Variants in CLIC5 observed in about 807,000 individuals in gnomAD.
The protein encoded by CLIC5 is chloride intracellular channel protein 5.
In CLIC5, 20 loss-of-function variants were observed where a neutral mutation model predicts 24.7. The observed-to-expected ratio is 0.81, with a 90% CI of 0.57 to 1.18. The LOEUF is 1.18. Among genes scored for constraint, CLIC5 ranks in the 50% most tolerant of loss-of-function variants. The pLI, the probability that CLIC5 is intolerant of heterozygous loss-of-function variation, is 0.00. For synonymous variants in CLIC5, 159 were observed against 135.6 expected, an observed-to-expected ratio of 1.17 and a Z score of -1.20; for missense variants, 341 against 326.1, an observed-to-expected ratio of 1.05 and a Z score of -0.35.
intron 1 of CLIC5, among the ~76,000 whole-genome samples, chr6:45,971,598 G>C (rs977000596): frequency 3.3e-5 from 5 of 152,170 alleles, no homozygotes; most frequent in Non-Finnish European, 7.4e-5. Flanking sequence ...CTAATGTTTA[G>C]GATCAGCCCC....
At chr6:45,984,296 T>C (rs1765660149) in intron 1 of CLIC5, among the ~76,000 whole-genome samples, 1 of 152,210 alleles carries the variant, frequency 6.6e-6, no homozygotes, top group South Asian at 2.1e-4. Context: ...CCTCCTGGCC[T>C]GGGAGTCTGC....
intron 3 of CLIC5, among the ~76,000 whole-genome samples, chr6:45,946,120 G>A (rs1446799762): frequency 6.6e-6 from 1 of 152,238 alleles, no homozygotes; most frequent in Non-Finnish European, 1.5e-5. Flanking sequence ...CTGAGCGGGA[G>A]AGAGGCTTGT....
chr6:46,070,480 C>CAAAAG (rs1762563635), intron 1 of CLIC5, among the ~76,000 whole-genome samples: 1 of 151,894 alleles, frequency 6.6e-6, no homozygotes, highest in African/African-American at 2.4e-5. Flanking sequence ...ATGATTGCCA[C>CAAAAG]AAAAGAATAA....
chr6:45,925,053 T>C (rs769432692), intron 4 of CLIC5, among the ~76,000 whole-genome samples: 10 of 152,214 alleles, frequency 6.6e-5, no homozygotes, highest in Non-Finnish European at 1.2e-4. Flanking sequence ...AATTCTCGAC[T>C]TCTTTCAGCA....
In CLIC5 at chr6:45,988,482, A is replaced by C. The variant is rs112488172; in HGVS notation, c.63+26998T>G. ...CACTCAGGATAATGTTTGATCAACT[A>C]TCTGGGCCTCCTATGGCCCAGTCAA... On this transcript the variant is annotated intron_variant, in intron 1 of 5. Coordinates refer to ENST00000339561, the MANE Select transcript of CLIC5 (RefSeq NM_016929.5). Among the ~76,000 whole-genome samples the C allele has an allele frequency of 8.5e-5, 13 of 152,278 alleles. 1 individual carries two copies. The East Asian group carries it at 2.3e-3, about 27-fold the overall frequency.
intron 1 of CLIC5, among the ~76,000 whole-genome samples, chr6:46,067,808 G>A (rs992061351): frequency 6.6e-6 from 1 of 152,134 alleles, no homozygotes; most frequent in African/African-American, 2.4e-5. Flanking sequence ...GCATCAAGGG[G>A]GAAATATGGA....
chr6:45,909,367 A>G (rs1762750993), intron 5 of CLIC5, among the ~76,000 whole-genome samples: 2 of 152,112 alleles, frequency 1.3e-5, no homozygotes, highest in Admixed American at 1.3e-4. Context: ...TGCTTGCTTT[A>G]TAGGGTCTGT....
chr6:46,107,629 G>T, the CLIC5 span, among the ~76,000 whole-genome samples: 2 of 152,142 alleles, frequency 1.3e-5, no homozygotes, highest in Non-Finnish European at 2.9e-5. Flanking sequence ...GTTTAAAAAA[G>T]GTTATATAAG....
intron 1 of CLIC5, among the ~76,000 whole-genome samples, chr6:45,972,730 G>A (rs1425463071): frequency 6.6e-6 from 1 of 152,150 alleles, no homozygotes. Context: ...GAGAAGGCTG[G>A]TCTTCAGAAC....
intron 3 of CLIC5, among the ~76,000 whole-genome samples, chr6:45,943,863 T>C (rs1438682891): frequency 6.6e-6 from 1 of 152,204 alleles, no homozygotes; most frequent in Non-Finnish European, 1.5e-5. Flanking sequence ...AGTGTTCCAT[T>C]TGAGCTTTGT....
intron 1 of CLIC5, among the ~76,000 whole-genome samples, chr6:46,037,171 T>C (rs1429164869): frequency 6.6e-6 from 1 of 152,228 alleles, no homozygotes; most frequent in African/African-American, 2.4e-5. Context: ...TGAATGATTA[T>C]TCATTTTTCC....
At chr6:45,949,515 C>T (rs1764403075) in intron 2 of CLIC5, 134 bp from the exon 3 acceptor site, 5 of 936,586 alleles carry the variant, frequency 5.3e-6, no homozygotes, top group African/African-American at 3.3e-5. Context: ...TTATGGTATG[C>T]AGTATAGGGC....
intron 1 of CLIC5, among the ~76,000 whole-genome samples, chr6:45,956,993 T>C (rs1249739651): frequency 6.6e-6 from 1 of 152,160 alleles, no homozygotes. Flanking sequence ...CCTAGGAACT[T>C]CTCAAGAAGC....
chr6:45,975,279 C>A (rs1167928796), intron 1 of CLIC5, among the ~76,000 whole-genome samples: 1 of 152,040 alleles, frequency 6.6e-6, no homozygotes, highest in African/African-American at 2.4e-5. Context: ...AGCCCACTAG[C>A]CTGCCATGTA....
intron 1 of CLIC5, among the ~76,000 whole-genome samples, chr6:46,061,364 G>C (rs1762275386): frequency 6.6e-6 from 1 of 152,094 alleles, no homozygotes; most frequent in Non-Finnish European, 1.5e-5. Flanking sequence ...TGATGTTTTT[G>C]TGTGTTTTAT....
At chr6:45,941,718 T>A in intron 3 of CLIC5, 65 bp from the exon 4 acceptor site, 4 of 1,204,560 alleles carry the variant, frequency 3.3e-6, no homozygotes, top group Non-Finnish European at 5.0e-6. Context: ...GGTGAGCCTA[T>A]CCCTATCATG....
intron 1 of CLIC5, among the ~76,000 whole-genome samples, chr6:46,051,712 G>A (rs1264715482): frequency 6.6e-6 from 1 of 152,026 alleles, no homozygotes; most frequent in Non-Finnish European, 1.5e-5. Flanking sequence ...TTTGTTTAGT[G>A]CTTTACATTT....
chr6:45,912,154 C>A, intron 5 of CLIC5: 1 of 986,424 alleles, frequency 1.0e-6, no homozygotes, highest in Non-Finnish European at 1.2e-6. Context: ...TTTTGGCATC[C>A]GAAGCCAAAC....
At chr6:46,044,783 GA>G (rs1767910274) in intron 1 of CLIC5, among the ~76,000 whole-genome samples, 1 of 152,154 alleles carries the variant, frequency 6.6e-6, no homozygotes, top group South Asian at 2.1e-4. Context: ...CACAATTAAT[GA>G]AAGTTACAAT....
Sources: gnomAD v4.1 joint callset for allele counts (sites outside exome capture counted in the v4.1 genomes callset) on GRCh38, gnomAD v4.1.1 for gene constraint, MANE v1.5 for transcripts, NCBI Gene and HGNC (gene_info 2026-07-23, HGNC 2026-07-21) for gene names.